LINGO2: variants seen among roughly 807,000 people sequenced by gnomAD.
The protein encoded by LINGO2 is leucine-rich repeat and immunoglobulin-like domain-containing nogo receptor-interacting protein 2.
Under a neutral mutation model 30.6 loss-of-function variants are expected in LINGO2, and 14 were observed. The ratio of observed to expected loss-of-function variants is 0.46; its 90% CI spans 0.30 to 0.72. The LOEUF is 0.72. Among genes scored for constraint, LINGO2 ranks in the 30% least tolerant of loss-of-function variants. LINGO2 has a pLI of 0.07. For missense variants in LINGO2, 729 were observed against 751.7 expected (o/e 0.97, Z 0.35); for synonymous variants, 317 against 288.5 (o/e 1.10, Z -1.00).
chr9:28,342,565 G>A (rs1295203837), intron 3 of LINGO2, among the ~76,000 whole-genome samples: 1 of 151,884 alleles, frequency 6.6e-6, no homozygotes, highest in African/African-American at 2.4e-5. Context: ...GGTATCTCTT[G>A]GCTTGGCTTC....
chr9:28,073,396 T>C lies in LINGO2; in HGVS notation c.-86-60991A>G, dbSNP rs554523843. Among the ~76,000 whole-genome samples the C allele has an allele frequency of 3.9e-5, 6 of 152,220 alleles. No homozygotes were observed. The East Asian group carries it at 1.2e-3, about 29-fold the overall frequency. On this transcript the variant is annotated intron_variant, in intron 4 of 5. Coordinates refer to ENST00000379992, the Ensembl canonical transcript of LINGO2. ...GAGCTTCATAAACTGTGAAGTCCCT[T>C]GTATATATTAATAGTTAAAACAAAA...
At chr9:28,986,237 A>G in the LINGO2 span, among the ~76,000 whole-genome samples, 8 of 151,746 alleles carry the variant, frequency 5.3e-5, no homozygotes, top group East Asian at 1.5e-3. Context: ...TGTTTAATTA[A>G]TTAATTTAAT....
chr9:29,076,535 G>T, the LINGO2 span, among the ~76,000 whole-genome samples: 1 of 149,500 alleles, frequency 6.7e-6, no homozygotes, highest in African/African-American at 2.4e-5. Flanking sequence ...AGGCAGAGTG[G>T]TTTTCATTTA....
chr9:28,948,067 T>G, the LINGO2 span, among the ~76,000 whole-genome samples: 1 of 152,212 alleles, frequency 6.6e-6, no homozygotes, highest in Non-Finnish European at 1.5e-5. Flanking sequence ...CAATTTGATG[T>G]ACCCATCCTT....
At chr9:28,145,947 G>T (rs1248629022) in intron 4 of LINGO2, among the ~76,000 whole-genome samples, 2 of 152,084 alleles carry the variant, frequency 1.3e-5, no homozygotes, top group Non-Finnish European at 2.9e-5. Context: ...TGGCTGATTT[G>T]CTCTGTGCTA....
chr9:28,570,728 G>T (rs754542183), intron 1 of LINGO2, among the ~76,000 whole-genome samples: 1 of 151,638 alleles, frequency 6.6e-6, no homozygotes, highest in Non-Finnish European at 1.5e-5. Context: ...GTCTTTTTTG[G>T]ATTTAGCATT....
At chr9:28,912,375 A>C in the LINGO2 span, among the ~76,000 whole-genome samples, 2 of 151,832 alleles carry the variant, frequency 1.3e-5, no homozygotes, top group Non-Finnish European at 2.9e-5. Flanking sequence ...GCCTCCACTC[A>C]TCTAGTCATT....
chr9:28,569,191 A>C (rs1823547714), intron 1 of LINGO2, among the ~76,000 whole-genome samples: 1 of 152,108 alleles, frequency 6.6e-6, no homozygotes, highest in African/African-American at 2.4e-5. Context: ...TGTTGGTGGG[A>C]AAGTAAATTA....
the LINGO2 span, among the ~76,000 whole-genome samples, chr9:29,188,034 T>A: frequency 4.8e-5 from 7 of 145,944 alleles, no homozygotes; most frequent in African/African-American, 1.7e-4. Flanking sequence ...TTTTTTTTTT[T>A]TTTATTGATC....
the LINGO2 span, among the ~76,000 whole-genome samples, chr9:28,759,754 T>C: frequency 3.8e-4 from 57 of 151,672 alleles, no homozygotes; most frequent in Admixed American, 7.2e-4. Context: ...TTGATGAAAA[T>C]AGCCCATAGC....
chr9:28,011,947 G>T, intron 5 of LINGO2, among the ~76,000 whole-genome samples: 1 of 150,822 alleles, frequency 6.6e-6, no homozygotes, highest in South Asian at 2.1e-4. Context: ...CCAAGCCTCT[G>T]AAGGACAGTC....
At chr9:28,851,880 G>A in the LINGO2 span, among the ~76,000 whole-genome samples, 15,745 of 151,672 alleles carry the variant, frequency 0.1, 926 homozygotes, top group African/African-American at 0.17. Context: ...TCAAACAAAT[G>A]TATGTGTATA....
the LINGO2 span, among the ~76,000 whole-genome samples, chr9:29,024,684 A>T: frequency 6.6e-6 from 1 of 152,132 alleles, no homozygotes; most frequent in Non-Finnish European, 1.5e-5. Context: ...GCGATGGAGA[A>T]GGCAGAGTGA....
intron 4 of LINGO2, among the ~76,000 whole-genome samples, chr9:28,054,710 G>C (rs1587779581): frequency 6.6e-6 from 1 of 151,948 alleles, no homozygotes; most frequent in Non-Finnish European, 1.5e-5. Context: ...TAGTAAATAA[G>C]TTTAAGTTAA....
At chr9:28,514,842 T>C (rs1291213144) in intron 1 of LINGO2, among the ~76,000 whole-genome samples, 5 of 152,182 alleles carry the variant, frequency 3.3e-5, no homozygotes, top group Non-Finnish European at 7.3e-5. Context: ...ACAGCAGCTG[T>C]TGACTTTAAG....
At chr9:28,458,189 C>G (rs1824929489) in intron 2 of LINGO2, among the ~76,000 whole-genome samples, 1 of 152,112 alleles carries the variant, frequency 6.6e-6, no homozygotes, top group African/African-American at 2.4e-5. Flanking sequence ...GTCTCAGGAG[C>G]ATGCAAACAA....
the LINGO2 span, among the ~76,000 whole-genome samples, chr9:28,890,492 T>C: frequency 2.0e-5 from 3 of 152,050 alleles, no homozygotes; most frequent in African/African-American, 7.2e-5. Context: ...CCTCAACTAC[T>C]CTGAATTATG....
chr9:28,549,604 T>C (rs1822163010), intron 1 of LINGO2, among the ~76,000 whole-genome samples: 1 of 152,054 alleles, frequency 6.6e-6, no homozygotes, highest in Non-Finnish European at 1.5e-5. Flanking sequence ...CTGAACTATG[T>C]CCTTACCAAT....
At chr9:27,950,367 T>C in exon 6 of LINGO2, 1 of 1,614,196 alleles carries the variant, frequency 6.2e-7, no homozygotes. Context: ...AAAGAGATTG[T>C]TGAATGCTCC....
Sources: allele counts gnomAD v4.1 joint callset (sites outside exome capture counted in the v4.1 genomes callset), GRCh38; gene constraint gnomAD v4.1.1; transcripts MANE v1.5; gene names NCBI Gene and HGNC (gene_info 2026-07-23, HGNC 2026-07-21).